The following PRKAG2 variants were observed in gnomAD, a reference collection of about 807,000 sequenced individuals.
PRKAG2 encodes 5'-AMP-activated protein kinase subunit gamma-2.
A neutral mutation model predicts 69.6 loss-of-function variants in PRKAG2; 26 were observed. The observed-to-expected ratio is 0.37, with a 90% CI of 0.27 to 0.52. The LOEUF (loss-of-function observed/expected upper bound fraction) is 0.52. Ranked by LOEUF, PRKAG2 falls within the 20% of genes least tolerant of loss-of-function variation. PRKAG2 has a pLI of 0.90. For synonymous variants in PRKAG2, 293 were observed against 285.0 expected, an observed-to-expected ratio of 1.03 and a Z score of -0.28; for missense variants, 557 against 740.0, an observed-to-expected ratio of 0.75 and a Z score of 2.87.
chr7:151,841,598 G>A (rs1355814778), intron 1 of PRKAG2, among the ~76,000 whole-genome samples: 12 of 149,770 alleles, frequency 8.0e-5, no homozygotes, highest in Admixed American at 4.0e-4. Flanking sequence ...GGTAGGTAGT[G>A]ATGGGTAGTG....
intron 15 of PRKAG2, chr7:151,558,395 T>C: frequency 1.0e-6 from 1 of 985,442 alleles, no homozygotes; most frequent in Non-Finnish European, 1.2e-6. Context: ...ACATGGCTTT[T>C]GTGCACGGCT....
chr7:151,783,637 C>A (rs1228222230), intron 2 of PRKAG2, among the ~76,000 whole-genome samples: 1 of 152,062 alleles, frequency 6.6e-6, no homozygotes, highest in Non-Finnish European at 1.5e-5. Context: ...AGAGAGTCTT[C>A]AGGCAGGGGG....
Position 151,876,668 on chromosome 7 carries a change from C to A in PRKAG2, c.-48G>T. ...TGCGAAACTCCTCGGGGGTTCGGTCCCCTCCTTCCCTCCCCCGGCCGCTGC... is the reference window on the plus strand; with the variant it reads ...TGCGAAACTCCTCGGGGGTTCGGTCACCTCCTTCCCTCCCCCGGCCGCTGC... On this transcript the variant is annotated 5_prime_UTR_variant, in exon 1 of 16. Coordinates refer to ENST00000287878, the MANE Select transcript of PRKAG2 (RefSeq NM_016203.4). 6.5e-7 allele frequency: 1 copy of A among 1,547,286 alleles called. No homozygotes were observed. The highest frequency in any genetic ancestry group is 8.8e-7 in the Non-Finnish European group (1 of 1,131,970).
chr7:151,844,614 CAGTG>C (rs1375633746), intron 1 of PRKAG2, among the ~76,000 whole-genome samples: 3 of 152,186 alleles, frequency 2.0e-5, no homozygotes, highest in Admixed American at 6.5e-5. Flanking sequence ...GCCTGGCAAA[CAGTG>C]AGCACTATGC....
intron 3 of PRKAG2, among the ~76,000 whole-genome samples, chr7:151,694,383 C>T (rs551755901): frequency 3.9e-5 from 6 of 152,336 alleles, no homozygotes; most frequent in Admixed American, 2.6e-4. Context: ...GTGCAGCCCC[C>T]ACCACCACCA....
At chr7:151,700,539 GC>G (rs1837501253) in intron 3 of PRKAG2, among the ~76,000 whole-genome samples, 1 of 152,184 alleles carries the variant, frequency 6.6e-6, no homozygotes, top group South Asian at 2.1e-4. Flanking sequence ...GGATTTCTGA[GC>G]CCCACCCTCA....
intron 1 of PRKAG2, chr7:151,809,539 C>G (rs2078308022): frequency 4.1e-6 from 1 of 242,186 alleles, no homozygotes; most frequent in Non-Finnish European, 8.3e-6. Flanking sequence ...ATGCAAACTC[C>G]CCCTCCAAGG....
intron 3 of PRKAG2, among the ~76,000 whole-genome samples, chr7:151,710,382 C>G (rs1176118209): frequency 6.6e-6 from 1 of 152,224 alleles, no homozygotes; most frequent in African/African-American, 2.4e-5. Flanking sequence ...CCACCAGTCT[C>G]CCCACCACAA....
At chr7:151,715,375 T>C (rs903950639) in intron 3 of PRKAG2, among the ~76,000 whole-genome samples, 1 of 143,982 alleles carries the variant, frequency 6.9e-6, no homozygotes, top group Admixed American at 7.1e-5. Flanking sequence ...TGAGACAGAG[T>C]TCCTGTCTGT....
At chr7:151,565,936 A>G (rs776514768) in intron 11 of PRKAG2, 51 bp from the exon 12 acceptor site, 2 of 1,561,126 alleles carry the variant, frequency 1.3e-6, no homozygotes, top group Non-Finnish European at 1.8e-6. Flanking sequence ...CACTCTTGTC[A>G]TGTTCAAAGG....
intron 3 of PRKAG2, among the ~76,000 whole-genome samples, chr7:151,726,798 A>T (rs1798053948): frequency 6.6e-6 from 1 of 152,140 alleles, no homozygotes; most frequent in African/African-American, 2.4e-5. Flanking sequence ...TGGCTACACA[A>T]GGGTGTTCAG....
At chr7:151,693,726 T>G (rs546287188) in intron 3 of PRKAG2, among the ~76,000 whole-genome samples, 40 of 152,168 alleles carry the variant, frequency 2.6e-4, no homozygotes, top group African/African-American at 9.6e-4. Context: ...CCCATGCCCT[T>G]ACAAGAGGGA....
intron 15 of PRKAG2, chr7:151,558,090 C>A: frequency 2.0e-6 from 2 of 985,040 alleles, no homozygotes; most frequent in Non-Finnish European, 2.4e-6. Flanking sequence ...GCTGAAACAC[C>A]GTAGCTCCTG....
At chr7:151,765,809 T>C (rs554684341) in intron 3 of PRKAG2, among the ~76,000 whole-genome samples, 2 of 152,180 alleles carry the variant, frequency 1.3e-5, no homozygotes, top group African/African-American at 2.4e-5. Flanking sequence ...TAAAACTCTA[T>C]CTAATTGCAC....
intron 1 of PRKAG2, among the ~76,000 whole-genome samples, chr7:151,808,313 T>C (rs983923701): frequency 6.6e-6 from 1 of 152,200 alleles, no homozygotes; most frequent in Non-Finnish European, 1.5e-5. Flanking sequence ...GATTCTTTTT[T>C]TTTCTTTTGC....
In PRKAG2 at chr7:151,780,977, T is replaced by G. The variant is rs994262779; in HGVS notation, c.466+175A>C. Among the ~76,000 whole-genome samples, 1 of 152,182 alleles carries G rather than the reference T, an allele frequency of 6.6e-6. No individual in the cohort carries two copies. Among genetic ancestry groups the G allele is most frequent in the African/African-American group, 2.4e-5 (1 of 41,452 alleles). On this transcript the variant is annotated intron_variant, in intron 3 of 15. Transcript: ENST00000287878. The surrounding 1 kb of genome is among the most constrained non-coding windows in gnomAD (Gnocchi z 4.2). ...AGAAAGTGACAGGTGGAAACTGATG[T>G]TCTGGAGAGAGATTTGTTTAGGGGG...
intron 4 of PRKAG2, among the ~76,000 whole-genome samples, chr7:151,654,084 T>C (rs913986933): frequency 6.6e-6 from 1 of 151,628 alleles, no homozygotes; most frequent in African/African-American, 2.4e-5. Context: ...TTGTGTTTTA[T>C]AGATGCTGGG....
intron 1 of PRKAG2, among the ~76,000 whole-genome samples, chr7:151,811,377 G>C (rs553717953): frequency 1.3e-5 from 2 of 152,352 alleles, no homozygotes; most frequent in South Asian, 2.1e-4. Context: ...TGGTAGCCAG[G>C]GGGTGAACAG....
intron 3 of PRKAG2, among the ~76,000 whole-genome samples, chr7:151,765,232 T>C (rs911720690): frequency 6.6e-6 from 1 of 152,132 alleles, no homozygotes; most frequent in African/African-American, 2.4e-5. Flanking sequence ...TCAGGAAACT[T>C]ACAATCATGG....
Sources: gnomAD v4.1 joint callset for allele counts (sites outside exome capture counted in the v4.1 genomes callset) on GRCh38, gnomAD v4.1.1 for gene constraint, Gnocchi (gnomAD v3.1) non-coding constraint, MANE v1.5 for transcripts, NCBI Gene and HGNC (gene_info 2026-07-23, HGNC 2026-07-21) for gene names.